Variants in ZC3H13 observed in about 807,000 individuals in gnomAD.
ZC3H13 encodes zinc finger CCCH-type containing 13, also known as zinc finger CCCH domain-containing protein 13.
In ZC3H13, 64 loss-of-function variants were observed where a neutral mutation model predicts 204.1. The ratio of observed to expected loss-of-function variants is 0.31; its 90% CI spans 0.26 to 0.39. The LOEUF (loss-of-function observed/expected upper bound fraction) is 0.39, where lower values mean the gene tolerates loss of function less well. Among genes scored for constraint, ZC3H13 ranks in the 10% least tolerant of loss-of-function variants. ZC3H13 has a pLI of 1.00. For missense variants in ZC3H13, 1,833 were observed against 2,082.7 expected, an observed-to-expected ratio of 0.88 and a Z score of 2.33; for synonymous variants, 667 against 693.7, an observed-to-expected ratio of 0.96 and a Z score of 0.60.
intron 17 of ZC3H13, 49 bp from the exon 18 acceptor site, chr13:45,959,695 G>C: frequency 2.1e-6 from 3 of 1,444,964 alleles, no homozygotes; most frequent in South Asian, 1.5e-5. Flanking sequence ...AATAGAAAAG[G>C]GTTACCAACT....
intron 5 of ZC3H13, among the ~76,000 whole-genome samples, chr13:46,013,830 A>G (rs1593678153): frequency 1.3e-5 from 2 of 152,360 alleles, no homozygotes; most frequent in East Asian, 3.8e-4. Context: ...TTTTAAGAAT[A>G]TACAACAGAA....
At chr13:46,036,945 C>A (rs529005296) in intron 4 of ZC3H13, among the ~76,000 whole-genome samples, 1 of 152,236 alleles carries the variant, frequency 6.6e-6, no homozygotes, top group East Asian at 1.9e-4. Flanking sequence ...TCTCAAACTC[C>A]TGGCCTCAAG....
At chr13:45,968,694 A>G in intron 14 of ZC3H13, 54 bp downstream of exon 14, 4 of 1,514,118 alleles carry the variant, frequency 2.6e-6, no homozygotes, top group Non-Finnish European at 3.5e-6. Flanking sequence ...TAAAATGTGT[A>G]TAAAATATAC....
chr13:46,035,229 A>G (rs9526132), intron 4 of ZC3H13, among the ~76,000 whole-genome samples: 114,060 of 152,104 alleles, frequency 0.75, 43,259 homozygotes, highest in African/African-American at 0.85. Context: ...TCGACTGCCA[A>G]ACAGGTGAGT....
chr13:45,973,813 T>C (rs1195564141), intron 12 of ZC3H13, among the ~76,000 whole-genome samples: 2 of 152,126 alleles, frequency 1.3e-5, no homozygotes, highest in East Asian at 1.9e-4. Context: ...TGTGCCTCCA[T>C]GTGTTAAAAA....
At chr13:46,047,613 A>C (rs1452293458) in intron 1 of ZC3H13, among the ~76,000 whole-genome samples, 1 of 59,644 alleles carries the variant, frequency 1.7e-5, no homozygotes, top group Non-Finnish European at 3.1e-5. Flanking sequence ...AAAAACTGAA[A>C]GCTAAGAGAA....
At chr13:45,975,862 C>T (rs749353466) in intron 11 of ZC3H13, 24 bp from the exon 12 acceptor site, 1 of 1,600,074 alleles carries the variant, frequency 6.2e-7, no homozygotes, top group Non-Finnish European at 8.5e-7. Flanking sequence ...CAAGTTTTGT[C>T]AGTGATTAAT....
chr13:45,974,720 C>T (rs1952871907), intron 12 of ZC3H13, among the ~76,000 whole-genome samples: 1 of 152,128 alleles, frequency 6.6e-6, no homozygotes, highest in Non-Finnish European at 1.5e-5. Flanking sequence ...ATTACAAGCA[C>T]ATAAAAGTCA....
intron 4 of ZC3H13, among the ~76,000 whole-genome samples, chr13:46,033,746 C>T (rs531068250): frequency 3.9e-5 from 6 of 152,008 alleles, no homozygotes; most frequent in African/African-American, 1.2e-4. Context: ...ACACAATGTG[C>T]TGGGAATACG....
Position 45,957,276 on chromosome 13 carries a change from T to C in ZC3H13, c.4861A>G (p.Thr1621Ala). Residue 1621 changes from threonine to alanine, a missense_variant, in exon 19 of 19, where the codon ACG (threonine) becomes GCG (alanine). Around this residue, in one of 5 missense-constraint regions of ZC3H13, gnomAD observed 211 missense variants for 228.4 expected, o/e 0.92. Transcript: ENST00000679008. ...TCATTGTCTACCATTGGAGCACTCG[T>C]GTAAGCTTGTTTTATGGTGCCCTAT... The part of the protein sequence containing the change: ...NEKGTIKQAY[T>A]SAPMVDNELL... The C allele has an allele frequency of 3.3e-6, 5 of 1,536,604 alleles. No homozygotes were observed. The highest frequency in any genetic ancestry group is 4.4e-6 in the Non-Finnish European group (5 of 1,139,264).
At chr13:45,962,569 C>T (rs1269439317) in intron 17 of ZC3H13, 8 of 984,814 alleles carry the variant, frequency 8.1e-6, no homozygotes, top group Middle Eastern at 5.2e-4. Flanking sequence ...GGTCATTTTT[C>T]GGTTAATACA....
intron 8 of ZC3H13, among the ~76,000 whole-genome samples, chr13:45,990,612 A>G (rs1193776661): frequency 6.6e-6 from 1 of 152,256 alleles, no homozygotes; most frequent in Non-Finnish European, 1.5e-5. Context: ...TTGACTCTAA[A>G]TAGAAATTTA....
At chr13:45,988,756 T>A (rs1181887604) in intron 9 of ZC3H13, 31 bp downstream of exon 9, 1 of 1,565,736 alleles carries the variant, frequency 6.4e-7, no homozygotes, top group East Asian at 2.3e-5. Flanking sequence ...GTTCAATTTT[T>A]CAATTAAAAA....
Position 45,979,814 on chromosome 13 carries a change from T to C in ZC3H13, c.1911A>G (p.Arg637=). ...GERDRRDNRE[R]DQRPSSPIRH... is the part of the protein sequence containing the mutation. ...TTAATAAAATTCTGTTTGACAAACC[T>C]CTCTCTCTGTTGTCACGACGGTCTC... is the stretch of plus-strand genomic sequence containing the variant. The change falls in exon 11 of 19, where the codon AGA becomes AGG. Residue 637 remains arginine (R), a splice_region_variant and synonymous_variant. Coordinates refer to ENST00000679008, the MANE Select transcript of ZC3H13 (RefSeq NM_001330564.2). 1 of 1,556,554 alleles carries C rather than the reference T, an allele frequency of 6.4e-7. No homozygotes were observed.
rs766154351 is a variant in ZC3H13, at chr13:45,975,438, TTCTCGC to T, written c.2307_2312del (p.Glu775_Arg776del). 6.7e-5 allele frequency: 108 copies of T among 1,613,410 alleles called. No individual in the cohort carries two copies. Among genetic ancestry groups the T allele is most frequent in the Middle Eastern group, 1.6e-4 (1 of 6,084 alleles). On this transcript the variant is annotated inframe_deletion, in exon 12 of 19. Coordinates refer to ENST00000679008, the MANE Select transcript of ZC3H13 (RefSeq NM_001330564.2). Reference sequence around the variant, plus strand: ...TTTCTCTCGCTCTTTCTCGTTCCCGTTCTCGCTCTCGCTCTCTCTCCCGTTCTCGCT... The same window carrying T: ...TTTCTCTCGCTCTTTCTCGTTCCCGTTCTCGCTCTCTCTCCCGTTCTCGCT...
intron 8 of ZC3H13, among the ~76,000 whole-genome samples, chr13:45,994,315 G>A (rs543753002): frequency 6.6e-6 from 1 of 152,178 alleles, no homozygotes; most frequent in Admixed American, 6.5e-5. Context: ...AAGTTTGGGG[G>A]GAGTCAAAAG....
intron 4 of ZC3H13, among the ~76,000 whole-genome samples, chr13:46,030,501 G>A (rs2042825803): frequency 6.6e-6 from 1 of 152,198 alleles, no homozygotes; most frequent in South Asian, 2.1e-4. Flanking sequence ...TCAGGAATTA[G>A]TTCTTTTTTC....
chr13:45,965,973 C>T (rs1036340293), intron 15 of ZC3H13, among the ~76,000 whole-genome samples: 5 of 152,134 alleles, frequency 3.3e-5, no homozygotes, highest in Non-Finnish European at 7.4e-5. Flanking sequence ...CTCAACATCT[C>T]AATTCCTCCT....
chr13:46,017,106 C>G (rs189858233), intron 5 of ZC3H13, among the ~76,000 whole-genome samples: 1 of 151,882 alleles, frequency 6.6e-6, no homozygotes, highest in Non-Finnish European at 1.5e-5. Flanking sequence ...AGTCACTACA[C>G]GTACGACGTT....
Sources: allele counts gnomAD v4.1 joint callset (sites outside exome capture counted in the v4.1 genomes callset), GRCh38; gene constraint gnomAD v4.1.1; regional missense constraint gnomAD v4.1.1; transcripts MANE v1.5; gene names NCBI Gene and HGNC (gene_info 2026-07-23, HGNC 2026-07-21).